NRXN3: variants seen among roughly 807,000 people sequenced by gnomAD.
The protein encoded by NRXN3 is neurexin III.
Under a neutral mutation model 137.6 loss-of-function variants are expected in NRXN3, and 32 were observed. The observed-to-expected ratio is 0.23, with a 90% CI of 0.18 to 0.31. The LOEUF (loss-of-function observed/expected upper bound fraction) is 0.31, where lower values mean the gene tolerates loss of function less well. Ranked by LOEUF, NRXN3 falls within the 10% of genes least tolerant of loss-of-function variation. NRXN3 has a pLI of 1.00. For synonymous variants in NRXN3, 798 were observed against 784.5 expected (o/e 1.02, Z -0.29); for missense variants, 1,574 against 2,062.5 (o/e 0.76, Z 4.59).
intron 16 of NRXN3, among the ~76,000 whole-genome samples, chr14:79,473,168 G>A (rs1460225820): frequency 1.3e-5 from 2 of 151,942 alleles, no homozygotes; most frequent in Non-Finnish European, 2.9e-5. Flanking sequence ...ACAAAGAACT[G>A]CTGTCCAGAC....
At chr14:79,021,417 T>G (rs2099589452) in intron 15 of NRXN3, among the ~76,000 whole-genome samples, 1 of 152,192 alleles carries the variant, frequency 6.6e-6, no homozygotes, top group Non-Finnish European at 1.5e-5. Flanking sequence ...GAGGAGAAAG[T>G]GCATTTTAAT....
intron 19 of NRXN3, among the ~76,000 whole-genome samples, chr14:79,772,082 C>G (rs1367875144): frequency 6.8e-6 from 1 of 147,976 alleles, no homozygotes; most frequent in Non-Finnish European, 1.5e-5. Context: ...ATGTGAAGGA[C>G]CTCTTCAAGG....
At chr14:79,172,922 T>C (rs902702604) in intron 15 of NRXN3, among the ~76,000 whole-genome samples, 2 of 152,214 alleles carry the variant, frequency 1.3e-5, no homozygotes, top group African/African-American at 4.8e-5. Flanking sequence ...TTCCCCAGCA[T>C]ACATGGAAAT....
intron 4 of NRXN3, among the ~76,000 whole-genome samples, chr14:78,569,124 C>T (rs549209644): frequency 4.6e-4 from 69 of 151,648 alleles, no homozygotes; most frequent in Middle Eastern, 3.5e-3. Context: ...CCAGCCACCA[C>T]GCCTGGCTAA....
chr14:79,345,016 T>C (rs2092797189), intron 15 of NRXN3, among the ~76,000 whole-genome samples: 1 of 152,234 alleles, frequency 6.6e-6, no homozygotes, highest in South Asian at 2.1e-4. Flanking sequence ...TCATCCAATA[T>C]GCTCTTGTAA....
At chr14:79,043,624 G>A (rs548160017) in intron 15 of NRXN3, among the ~76,000 whole-genome samples, 67 of 152,216 alleles carry the variant, frequency 4.4e-4, no homozygotes, top group African/African-American at 1.6e-3. Flanking sequence ...GGGATCTATG[G>A]CCCGGGACAG....
At chr14:78,856,938 G>A (rs2099058982) in intron 10 of NRXN3, among the ~76,000 whole-genome samples, 1 of 152,038 alleles carries the variant, frequency 6.6e-6, no homozygotes, top group Non-Finnish European at 1.5e-5. Flanking sequence ...TCACCATGTT[G>A]GCCAGGCTGG....
chr14:78,958,344 CTT>C (rs1000118652), intron 11 of NRXN3, among the ~76,000 whole-genome samples: 17 of 150,310 alleles, frequency 1.1e-4, no homozygotes, highest in Middle Eastern at 3.5e-3. Flanking sequence ...CATGCTATAT[CTT>C]TTTTTTCTTT....
At chr14:78,241,228 A>G (rs2067042534) in intron 1 of NRXN3, among the ~76,000 whole-genome samples, 1 of 152,222 alleles carries the variant, frequency 6.6e-6, no homozygotes, top group Admixed American at 6.5e-5. Flanking sequence ...CTATAGCCAT[A>G]CATACATCCA....
At chr14:79,839,767 C>G (rs1298133854) in intron 20 of NRXN3, among the ~76,000 whole-genome samples, 1 of 152,150 alleles carries the variant, frequency 6.6e-6, no homozygotes, top group East Asian at 1.9e-4. Flanking sequence ...CTAGTAGTTG[C>G]AGAAAGCACT....
intron 15 of NRXN3, among the ~76,000 whole-genome samples, chr14:79,358,613 GAAAGAAAGAAAGAAAGAA>G (rs2093547998): frequency 3.1e-5 from 4 of 129,064 alleles, no homozygotes; most frequent in Admixed American, 1.5e-4. Flanking sequence ...GAAAGAGAAA[GAAAGAAAGAAAGAAAGAA>G]AGAAAGAAAG....
chr14:79,058,115 G>A (rs139429705), intron 15 of NRXN3, among the ~76,000 whole-genome samples: 3 of 152,158 alleles, frequency 2.0e-5, no homozygotes, highest in Non-Finnish European at 2.9e-5. Flanking sequence ...TAGGAGATGC[G>A]GGAAGGGGTC....
At chr14:79,054,201 T>C (rs889748612) in intron 15 of NRXN3, among the ~76,000 whole-genome samples, 2 of 150,886 alleles carry the variant, frequency 1.3e-5, no homozygotes, top group African/African-American at 4.9e-5. Context: ...AGGAGATATA[T>C]CTAATGTTAA....
At position 78,303,205 on chromosome 14, in the gene NRXN3, C is replaced by CT. The variant is rs543301044; in HGVS notation, c.757+5351dup. ...CTACCTTTTAATAGTCCCTCATCCC[C>CT]TTTTTTCTGCCCATTGAAAAATACA... On this transcript the variant is annotated intron_variant, in intron 4 of 20. Transcript: ENST00000335750. Among the ~76,000 whole-genome samples the CT allele has an allele frequency of 6.6e-5, 10 of 152,218 alleles. No individual in the cohort carries two copies. In the South Asian group the frequency reaches 1.9e-3, roughly 28 times the overall value.
intron 15 of NRXN3, among the ~76,000 whole-genome samples, chr14:79,054,073 C>G (rs985327955): frequency 7.4e-5 from 11 of 148,710 alleles, no homozygotes; most frequent in African/African-American, 2.5e-4. Context: ...AAAAACCAAA[C>G]ACCGCATGTT....
chr14:78,989,542 A>G (rs954288361), intron 15 of NRXN3, among the ~76,000 whole-genome samples: 11 of 152,190 alleles, frequency 7.2e-5, no homozygotes, highest in Admixed American at 3.3e-4. Flanking sequence ...AAGTTTTGGT[A>G]TAAGACTGCT....
At chr14:78,189,946 C>T (rs894092334) in intron 1 of NRXN3, among the ~76,000 whole-genome samples, 3 of 152,172 alleles carry the variant, frequency 2.0e-5, no homozygotes, top group Admixed American at 6.5e-5. Flanking sequence ...CCGTCCTTAC[C>T]GTACTTCGTA....
intron 19 of NRXN3, among the ~76,000 whole-genome samples, chr14:79,796,409 T>C (rs1218234951): frequency 6.6e-6 from 1 of 152,170 alleles, no homozygotes; most frequent in East Asian, 1.9e-4. Context: ...TCTGTCAGCC[T>C]GCCTTGAACA....
intron 14 of NRXN3, among the ~76,000 whole-genome samples, chr14:78,982,622 T>A (rs1385092521): frequency 7.0e-6 from 1 of 143,620 alleles, no homozygotes; most frequent in Non-Finnish European, 1.5e-5. Context: ...GTACCCTTTT[T>A]ATACCATATA....
Sources: allele counts gnomAD v4.1 joint callset (sites outside exome capture counted in the v4.1 genomes callset), GRCh38; gene constraint gnomAD v4.1.1; transcripts MANE v1.5; gene names NCBI Gene and HGNC (gene_info 2026-07-23, HGNC 2026-07-21).